Variants in TBX19 observed in about 807,000 individuals in gnomAD.
TBX19 encodes T-box transcription factor 19, also known as T-box transcription factor TBX19.
In TBX19, 33 loss-of-function variants were observed where a neutral mutation model predicts 40.9. The observed-to-expected ratio is 0.81, with a 90% CI of 0.61 to 1.08. TBX19 has a LOEUF of 1.08. TBX19 is among the 50% of genes least tolerant of loss of function. TBX19 has a pLI of 0.00. For missense variants in TBX19, 494 were observed against 574.0 expected (o/e 0.86, Z 1.42); for synonymous variants, 220 against 225.0 (o/e 0.98, Z 0.20).
intron 7 of TBX19, among the ~76,000 whole-genome samples, chr1:168,311,852 C>T (rs143551551): frequency 9.9e-5 from 15 of 152,214 alleles, no homozygotes; most frequent in African/African-American, 3.6e-4. Context: ...TTAAAAAAAT[C>T]CTCGTACTCA....
chr1:168,308,989 G>C, intron 7 of TBX19, 112 bp downstream of exon 7: 1 of 1,481,420 alleles, frequency 6.8e-7, no homozygotes, highest in Non-Finnish European at 9.3e-7. Context: ...CTATTGTCTT[G>C]ACTTCTAAAA....
intron 4 of TBX19, among the ~76,000 whole-genome samples, chr1:168,298,275 C>T (rs965298839): frequency 6.6e-6 from 1 of 152,204 alleles, no homozygotes; most frequent in Admixed American, 6.5e-5. Context: ...ATTATCTATT[C>T]GTTATAATAG....
chr1:168,302,410 G>A (rs1649301022), intron 5 of TBX19, among the ~76,000 whole-genome samples: 1 of 152,196 alleles, frequency 6.6e-6, no homozygotes, highest in South Asian at 2.1e-4. Context: ...AAGCCCAGGT[G>A]ACAATCCTTA....
At chr1:168,284,239 T>C (rs1648748851) in intron 1 of TBX19, among the ~76,000 whole-genome samples, 1 of 152,210 alleles carries the variant, frequency 6.6e-6, no homozygotes, top group Admixed American at 6.5e-5. Context: ...GATATAACAG[T>C]AATAAGTATA....
intron 7 of TBX19, among the ~76,000 whole-genome samples, chr1:168,312,335 A>G (rs1649544728): frequency 6.6e-6 from 1 of 152,218 alleles, no homozygotes; most frequent in African/African-American, 2.4e-5. Context: ...TTATTATGCC[A>G]CATTGGCCAG....
intron 7 of TBX19, among the ~76,000 whole-genome samples, chr1:168,311,060 C>T (rs549087597): frequency 2.0e-4 from 31 of 151,796 alleles, no homozygotes; most frequent in African/African-American, 5.3e-4. Flanking sequence ...TGCATTTTGA[C>T]GCTGATCTAG....
At position 168,281,244 on chromosome 1, in the gene TBX19, C is replaced by A. The variant is rs751238563; in HGVS notation, c.154C>A (p.Gln52Lys). 1.2e-6 allele frequency: 2 copies of A among 1,614,118 alleles called. No individual in the cohort carries two copies. The highest frequency in any genetic ancestry group is 1.1e-5 in the South Asian group (1 of 91,076). Reference protein sequence around the residue: ...QIILEDAPLWQRFKEVTNEMI... With the variant: ...QIILEDAPLWKRFKEVTNEMI... ...CATCCTGGAGGATGCACCTCTCTGG[C>A]AGAGATTCAAGGAAGTCACTAATGA... The change falls in exon 1 of 8, where the codon CAG (glutamine) becomes AAG (lysine). Residue 52 changes from glutamine to lysine, a missense_variant. Transcript: ENST00000367821.
At chr1:168,300,595 A>G (rs934598807) in intron 5 of TBX19, 112 bp downstream of exon 5, 12 of 973,666 alleles carry the variant, frequency 1.2e-5, no homozygotes, top group Non-Finnish European at 1.9e-5. Flanking sequence ...CCAAATCAAA[A>G]CCCAACACAC....
Position 168,293,242 on chromosome 1 carries a change from C to G in TBX19, c.567C>G (p.Thr189=). 1 of 1,611,762 alleles carries G rather than the reference C, an allele frequency of 6.2e-7. No homozygotes were observed. ...TAACAAACTGCTCCTTCCCTGAAAC[C>G]CAGTTCATAGCCGTGACTGCCTATC... ...RMVTNCSFPE[T]QFIAVTAYQN... is the part of the protein sequence containing the mutation. The change falls in exon 3 of 8, where the codon ACC becomes ACG. Residue 189 remains threonine (T), a synonymous_variant. Coordinates refer to ENST00000367821, the MANE Select transcript of TBX19 (RefSeq NM_005149.3).
Position 168,312,754 on chromosome 1 carries a change from A to T in TBX19, c.1099A>T (p.Ser367Cys). 5 of 1,614,126 alleles carry T rather than the reference A, an allele frequency of 3.1e-6. No homozygotes were observed. Among genetic ancestry groups the T allele is most frequent in the Non-Finnish European group, 4.2e-6 (5 of 1,180,034 alleles). The change falls in exon 8 of 8, where the codon AGT (serine) becomes TGT (cysteine). Residue 367 changes from serine to cysteine, a missense_variant. Physicochemically the swap from Ser to Cys is moderately radical, Grantham distance 112. Around this residue, in one of 3 missense-constraint regions of TBX19, gnomAD observed 284 missense variants for 307.3 expected, o/e 0.92. Transcript: ENST00000367821. ...CATCAGCAATGGTGCCGGAGGCCCC[A>T]GTGGGCCAGGCCCGGAGGTGCACGC... Reference protein sequence around the residue: ...WTISNGAGGPSGPGPEVHAST... With the variant: ...WTISNGAGGPCGPGPEVHAST...
chr1:168,308,635 C>G (rs1386413242), intron 6 of TBX19, 107 bp from the exon 7 acceptor site: 1 of 1,366,550 alleles, frequency 7.3e-7, no homozygotes, highest in Non-Finnish European at 1.0e-6. Context: ...ACTGTTGGTG[C>G]CTGTAGTGCA....
chr1:168,302,678 GA>G (rs1014208932), intron 5 of TBX19, among the ~76,000 whole-genome samples: 66 of 151,506 alleles, frequency 4.4e-4, no homozygotes, highest in African/African-American at 1.2e-3. Context: ...AAGAAAAAAG[GA>G]AAAAAACCCC....
At chr1:168,294,049 C>A (rs928305725) in intron 3 of TBX19, among the ~76,000 whole-genome samples, 1 of 152,036 alleles carries the variant, frequency 6.6e-6, no homozygotes, top group African/African-American at 2.4e-5. Flanking sequence ...CCCATGGACA[C>A]GACGAAGAAT....
At chr1:168,307,977 C>T (rs1213569759) in intron 6 of TBX19, 1 of 152,188 alleles carries the variant, frequency 6.6e-6, no homozygotes, top group African/African-American at 2.4e-5. Flanking sequence ...TCATCCTACA[C>T]AAGTGCAACT....
In TBX19 at chr1:168,281,022, G is replaced by GT; in HGVS notation, c.-68dup. Reference sequence around the variant, plus strand: ...TCAAGTGGGTTTGAAAAGCAGGCAAGTGAGGGAAGGAAGAAGCTAGAAGCA... The same window carrying GT: ...TCAAGTGGGTTTGAAAAGCAGGCAAGTTGAGGGAAGGAAGAAGCTAGAAGCA... On this transcript the variant is annotated 5_prime_UTR_variant, in exon 1 of 8. Transcript: ENST00000367821. The GT allele has an allele frequency of 6.7e-7, 1 of 1,483,360 alleles. No homozygotes were observed. The highest frequency in any genetic ancestry group is 9.4e-7 in the Non-Finnish European group (1 of 1,067,102). 91.9% of individuals were successfully genotyped at this position (1,483,360 alleles called of 1,614,324 possible).
intron 7 of TBX19, among the ~76,000 whole-genome samples, chr1:168,312,356 T>C (rs770288216): frequency 3.9e-5 from 6 of 152,228 alleles, no homozygotes; most frequent in Non-Finnish European, 7.3e-5. Flanking sequence ...GGAGAGATCA[T>C]ATGCAGAAAT....
chr1:168,310,819 A>G, intron 7 of TBX19, among the ~76,000 whole-genome samples: 1 of 146,898 alleles, frequency 6.8e-6, no homozygotes, highest in East Asian at 2.0e-4. Context: ...TATAAAATAT[A>G]TATTAAAAAT....
chr1:168,295,912 C>T (rs1222512332), intron 3 of TBX19, among the ~76,000 whole-genome samples: 1 of 152,194 alleles, frequency 6.6e-6, no homozygotes, highest in Non-Finnish European at 1.5e-5. Flanking sequence ...GAAGCTTTTC[C>T]TGGCTGCAGG....
At position 168,280,970 on chromosome 1, in the gene TBX19, A is replaced by G. The variant is rs1261987058; in HGVS notation, c.-121A>G. The G allele has an allele frequency of 7.7e-6, 7 of 911,662 alleles. No homozygotes were observed. In the African/African-American group the frequency reaches 9.8e-5, roughly 13 times the overall value. 56.5% of individuals were successfully genotyped at this position (911,662 alleles called of 1,614,324 possible). A position where few individuals can be genotyped will look rare whatever the true frequency, so the allele number is the denominator to read the frequency against. ...TAGGAGCTTAGGCAAGAGCCAGGGT[A>G]TCTTCTCTCCGCTCCCCAAGCACTG... On this transcript the variant is annotated 5_prime_UTR_variant, in exon 1 of 8. Coordinates refer to ENST00000367821, the MANE Select transcript of TBX19 (RefSeq NM_005149.3).
Sources: allele counts gnomAD v4.1 joint callset (sites outside exome capture counted in the v4.1 genomes callset), GRCh38; gene constraint gnomAD v4.1.1; regional missense constraint gnomAD v4.1.1; transcripts MANE v1.5; gene names NCBI Gene and HGNC (gene_info 2026-07-23, HGNC 2026-07-21).